The following LRFN5 variants were observed in gnomAD, a reference collection of about 807,000 sequenced individuals.
The protein encoded by LRFN5 is leucine rich repeat and fibronectin type III domain containing 5.
A neutral mutation model predicts 45.6 loss-of-function variants in LRFN5; 24 were observed. That is an observed-to-expected ratio of 0.53 (90% CI 0.38 to 0.74). LRFN5 has a LOEUF of 0.74. Ranked by LOEUF, LRFN5 falls within the 30% of genes least tolerant of loss-of-function variation. The pLI is 0.00. For missense variants in LRFN5, 776 were observed against 861.5 expected (o/e 0.90, Z 1.24); for synonymous variants, 340 against 313.8 (o/e 1.08, Z -0.88).
At chr14:41,619,910 G>T (rs1374324787) in intron 1 of LRFN5, among the ~76,000 whole-genome samples, 1 of 151,950 alleles carries the variant, frequency 6.6e-6, no homozygotes, top group Non-Finnish European at 1.5e-5. Context: ...ACAGCGACTG[G>T]CAAATAATGG....
At chr14:41,846,310 G>A (rs551309678) in intron 2 of LRFN5, among the ~76,000 whole-genome samples, 2 of 152,098 alleles carry the variant, frequency 1.3e-5, no homozygotes, top group East Asian at 3.9e-4. Context: ...TTTACAAAAT[G>A]AGAAGAATGA....
intron 1 of LRFN5, among the ~76,000 whole-genome samples, chr14:41,661,197 T>A (rs1035197610): frequency 6.6e-6 from 1 of 151,868 alleles, no homozygotes; most frequent in South Asian, 2.1e-4. Context: ...TAAAATCTCA[T>A]CTTATTGAAA....
In LRFN5 at chr14:41,775,086, TC is replaced by T. The variant is rs1200471815; in HGVS notation, c.-21+8058del. Among the ~76,000 whole-genome samples the T allele has an allele frequency of 1.2e-4, 11 of 89,558 alleles. No individual in the cohort carries two copies. In the East Asian group the frequency reaches 4.7e-3, roughly 39 times the overall value. 58.8% of individuals were successfully genotyped at this position (89,558 alleles called of 152,430 possible). On this transcript the variant is annotated intron_variant, in intron 2 of 5. Transcript: ENST00000298119. ...AGGTGAAAGATTTGATGCTACTTTT[TC>T]TTTTTCTTTTTTTTTTTTTTTGAGA...
chr14:41,613,793 A>G (rs1887841809), intron 1 of LRFN5, among the ~76,000 whole-genome samples: 1 of 152,060 alleles, frequency 6.6e-6, no homozygotes, highest in Non-Finnish European at 1.5e-5. Context: ...GTAATCAGGA[A>G]TGGAAGCCTA....
chr14:41,607,052 C>T lies in LRFN5; in HGVS notation c.-1707C>T, dbSNP rs1887512037. Among the ~76,000 whole-genome samples the T allele has an allele frequency of 6.6e-6, 1 of 152,138 alleles. No homozygotes were observed. Among genetic ancestry groups the T allele is most frequent in the African/African-American group, 2.4e-5 (1 of 41,444 alleles). On this transcript the variant is annotated 5_prime_UTR_variant, in exon 1 of 6. Transcript: ENST00000298119. The stretch of plus-strand genomic sequence containing the variant: ...CCTGAACTGCGGACTCGCCCCAGCG[C>T]GGTGGCCAGCGGGCGGGGCGCTGTG...
chr14:41,662,773 T>G (rs999316989), intron 1 of LRFN5, among the ~76,000 whole-genome samples: 2 of 152,062 alleles, frequency 1.3e-5, no homozygotes, highest in Admixed American at 6.6e-5. Context: ...GACAACTGCT[T>G]CACTTCTGCT....
At chr14:41,705,348 C>T (rs1227029649) in intron 1 of LRFN5, among the ~76,000 whole-genome samples, 2 of 152,052 alleles carry the variant, frequency 1.3e-5, no homozygotes, top group Non-Finnish European at 2.9e-5. Flanking sequence ...TGTGAAAATT[C>T]TTGAGGTGAC....
intron 2 of LRFN5, among the ~76,000 whole-genome samples, chr14:41,868,309 A>G (rs1245599069): frequency 1.3e-5 from 2 of 152,132 alleles, no homozygotes; most frequent in African/African-American, 2.4e-5. Flanking sequence ...GAACAATGGA[A>G]TATGTAAAGG....
rs532169497 is a variant in LRFN5 at position 41,876,457 on chromosome 14, T to C, written c.-20-10149T>C. The stretch of plus-strand genomic sequence containing the variant: ...CACCATGCCTGGCTTTTTTTTTTTT[T>C]TTTCTTTTTCTTGTATTTTTAGTAG... On this transcript the variant is annotated intron_variant, in intron 2 of 5. Transcript: ENST00000298119. Among the ~76,000 whole-genome samples the C allele has an allele frequency of 1.8e-3, 274 of 150,084 alleles. 10 individuals are homozygous for C. The South Asian group carries it at 0.054, about 30-fold the overall frequency.
intron 1 of LRFN5, among the ~76,000 whole-genome samples, chr14:41,740,898 T>C (rs1884661131): frequency 6.6e-6 from 1 of 151,872 alleles, no homozygotes; most frequent in Admixed American, 6.6e-5. Context: ...GAAAACAAAA[T>C]TTAAAAAAGA....
chr14:41,807,235 T>A (rs1024644492), intron 2 of LRFN5, among the ~76,000 whole-genome samples: 1 of 152,186 alleles, frequency 6.6e-6, no homozygotes, highest in Non-Finnish European at 1.5e-5. Context: ...TGAAGAAATA[T>A]GAACTGGTTA....
chr14:41,815,697 C>T (rs975340713), intron 2 of LRFN5, among the ~76,000 whole-genome samples: 2 of 151,976 alleles, frequency 1.3e-5, no homozygotes, highest in African/African-American at 4.8e-5. Context: ...CTGAGTGCCA[C>T]TGAGTGCCAC....
intron 2 of LRFN5, among the ~76,000 whole-genome samples, chr14:41,776,528 T>C (rs1886298946): frequency 6.6e-6 from 1 of 152,110 alleles, no homozygotes; most frequent in African/African-American, 2.4e-5. Context: ...ATTTAGTGTG[T>C]TTTATTGTCA....
chr14:41,787,144 G>T (rs1208926290), intron 2 of LRFN5, among the ~76,000 whole-genome samples: 4 of 151,796 alleles, frequency 2.6e-5, no homozygotes. Flanking sequence ...TTCTGACTTG[G>T]GATAATATTT....
intron 2 of LRFN5, among the ~76,000 whole-genome samples, chr14:41,826,109 A>G (rs1888286100): frequency 6.6e-6 from 1 of 152,178 alleles, no homozygotes; most frequent in African/African-American, 2.4e-5. Flanking sequence ...AGGTCTAGTC[A>G]TCAATCTTGA....
intron 2 of LRFN5, among the ~76,000 whole-genome samples, chr14:41,829,368 ACT>A (rs1372067099): frequency 6.6e-6 from 1 of 151,788 alleles, no homozygotes; most frequent in Non-Finnish European, 1.5e-5. Context: ...TCCACAAAAA[ACT>A]CATATCTTCC....
At chr14:41,734,596 G>A (rs919477203) in intron 1 of LRFN5, among the ~76,000 whole-genome samples, 1 of 148,272 alleles carries the variant, frequency 6.7e-6, no homozygotes, top group Admixed American at 6.7e-5. Context: ...ATGGAGTCTT[G>A]TCTTTTTTTT....
intron 2 of LRFN5, among the ~76,000 whole-genome samples, chr14:41,812,987 G>T (rs894513031): frequency 6.6e-6 from 1 of 152,114 alleles, no homozygotes; most frequent in Non-Finnish European, 1.5e-5. Context: ...AGTAAAAGAT[G>T]CTAACTGCAT....
chr14:41,872,654 A>G (rs1398249033), intron 2 of LRFN5, among the ~76,000 whole-genome samples: 2 of 152,212 alleles, frequency 1.3e-5, no homozygotes, highest in Admixed American at 1.3e-4. Context: ...GAAAGAAGGC[A>G]AACAGCACAG....
Sources: allele counts gnomAD v4.1 joint callset (sites outside exome capture counted in the v4.1 genomes callset), GRCh38; gene constraint gnomAD v4.1.1; transcripts MANE v1.5; gene names NCBI Gene and HGNC (gene_info 2026-07-23, HGNC 2026-07-21).